ASB11: variants seen among roughly 807,000 people sequenced by gnomAD.
The protein encoded by ASB11 is ankyrin repeat and SOCS box protein 11.
ASB11 carries 17 observed loss-of-function variants against 20.1 expected under a neutral mutation model. The observed-to-expected ratio is 0.85, with a 90% CI of 0.58 to 1.27. The LOEUF (loss-of-function observed/expected upper bound fraction) is 1.27. Ranked by LOEUF, ASB11 falls within the 50% of genes most tolerant of loss-of-function variation. The pLI, the probability that ASB11 is intolerant of heterozygous loss-of-function variation, is 0.00. For synonymous variants in ASB11, 107 were observed against 105.6 expected (o/e 1.01, Z -0.08); for missense variants, 259 against 256.9 (o/e 1.01, Z -0.06).
intron 6 of ASB11, among the ~76,000 whole-genome samples, chrX:15,284,159 G>A (rs902914712): frequency 3.8e-5 from 4 of 106,405 alleles, no homozygotes; most frequent in African/African-American, 1.1e-4. Flanking sequence ...GGCTGAGGCA[G>A]GAGAATGGCG....
chrX:15,308,722 CCTTGTT>C (rs777326093), intron 1 of ASB11, among the ~76,000 whole-genome samples: 5 of 111,673 alleles, frequency 4.5e-5, no homozygotes, highest in Non-Finnish European at 9.4e-5. Flanking sequence ...TTAGAACACA[CCTTGTT>C]CTGGTTTTAA....
chrX:15,291,727 A>T (rs200543900), intron 4 of ASB11, among the ~76,000 whole-genome samples: 10 of 56,849 alleles, frequency 1.8e-4, no homozygotes, highest in Admixed American at 3.8e-4. Context: ...AAAAAAATTT[A>T]AAAAAATTAA....
intron 1 of ASB11, among the ~76,000 whole-genome samples, chrX:15,313,885 A>G (rs1323221579): frequency 9.1e-6 from 1 of 110,220 alleles, no homozygotes; most frequent in Non-Finnish European, 1.9e-5. Context: ...CCCTGTCTCT[A>G]CTAAAAATAC....
chrX:15,296,968 A>G (rs1174288925), intron 3 of ASB11, among the ~76,000 whole-genome samples: 3 of 112,458 alleles, frequency 2.7e-5, no homozygotes. Context: ...AAAGCAACCC[A>G]AGTGTCCACC....
Position 15,289,541 on chromosome X carries a change from G to A in ASB11, c.618C>T (p.Tyr206=), listed in dbSNP as rs147170563. 104 of 1,206,859 alleles carry A rather than the reference G, an allele frequency of 8.6e-5. 1 individual carries two copies. The African/African-American group carries it at 1.4e-3, about 17-fold the overall frequency. The change falls in exon 5 of 7, where the codon TAC becomes TAT. Residue 206 remains tyrosine (Y), a synonymous_variant. Transcript: ENST00000480796. ...GTTTCTTCACACAGTCTACCCTCTG[G>A]TAGGTGCAGGCCACATATAGGGGAG... The part of the protein sequence containing the change: ...LGTPLYVACT[Y]QRVDCVKKLL...
chrX:15,302,545 G>A (rs888531199), intron 2 of ASB11, among the ~76,000 whole-genome samples, 183 bp downstream of exon 2: 1 of 111,038 alleles, frequency 9.0e-6, no homozygotes, highest in East Asian at 2.8e-4. Flanking sequence ...AAATGAAGGA[G>A]CTCTCCAGGA....
rs1248089527 is a variant in ASB11, at chrX:15,302,764, CT to C, written c.224del (p.Gln75ArgfsTer10). On this transcript the variant is annotated frameshift_variant, in exon 2 of 7. Transcript: ENST00000480796. LOFTEE classifies it high-confidence loss of function. The part of the protein sequence containing the change: ...DRSPLHEAAA[Q>X]GRLLALKTLI... ...AAGTTTTAAGGGCCAGTAAGCGCCC[CT>C]GAGCTGCAGCTTCATGAAGTGGGGA... The C allele has an allele frequency of 8.3e-7, 1 of 1,211,115 alleles. No individual in the cohort carries two copies. The highest frequency in any genetic ancestry group is 2.2e-5 in the Admixed American group (1 of 46,012).
chrX:15,289,071 C>T (rs1927464091), intron 5 of ASB11, among the ~76,000 whole-genome samples: 2 of 111,979 alleles, frequency 1.8e-5, no homozygotes, highest in South Asian at 3.7e-4. Flanking sequence ...GTAAACCACC[C>T]TCTTGTTAGT....
At chrX:15,302,432 A>T (rs1240210784) in intron 2 of ASB11, among the ~76,000 whole-genome samples, 2 of 112,226 alleles carry the variant, frequency 1.8e-5, no homozygotes, top group East Asian at 5.6e-4. Context: ...GCATGAGGTG[A>T]GTTAGTGCAA....
chrX:15,293,368 A>C, intron 3 of ASB11, 48 bp from the exon 4 acceptor site: 20 of 1,153,259 alleles, frequency 1.7e-5, no homozygotes, highest in African/African-American at 3.5e-5. Context: ...TTTCATTCTC[A>C]CCATCTCCAA....
At chrX:15,306,409 T>G (rs1921248582) in intron 1 of ASB11, among the ~76,000 whole-genome samples, 1 of 112,070 alleles carries the variant, frequency 8.9e-6, no homozygotes, top group Admixed American at 9.5e-5. Flanking sequence ...AGTAGAATAT[T>G]TTAAACTCTC....
At chrX:15,284,267 A>AAAAGAAAG (rs1243564588) in intron 6 of ASB11, among the ~76,000 whole-genome samples, 6 of 88,846 alleles carry the variant, frequency 6.8e-5, no homozygotes, top group Non-Finnish European at 6.6e-5. Context: ...AAAAAAAAAA[A>AAAAGAAAG]AAAGAAAGAA....
intron 6 of ASB11, among the ~76,000 whole-genome samples, chrX:15,284,250 T>A (rs1251035760): frequency 1.6e-4 from 8 of 51,463 alleles, no homozygotes; most frequent in African/African-American, 1.1e-3. Context: ...AGACTCCGCC[T>A]CAAAAAAAAA....
chrX:15,304,636 T>C (rs1226079795), intron 1 of ASB11, among the ~76,000 whole-genome samples: 1 of 112,113 alleles, frequency 8.9e-6, no homozygotes, highest in Admixed American at 9.4e-5. Context: ...TCCCAGCACT[T>C]TGGGAAGCTG....
At chrX:15,293,513 T>G (rs956831172) in intron 3 of ASB11, among the ~76,000 whole-genome samples, 193 bp from the exon 4 acceptor site, 6 of 112,178 alleles carry the variant, frequency 5.3e-5, no homozygotes, top group African/African-American at 1.9e-4. Flanking sequence ...ATGTAAACAC[T>G]TAAAACATTA....
chrX:15,314,535 T>C (rs1173192603), intron 1 of ASB11: 21 of 1,152,706 alleles, frequency 1.8e-5, no homozygotes, highest in Non-Finnish European at 2.3e-5. Flanking sequence ...AAGACTGCTG[T>C]TGTCTAGTGT....
Position 15,282,442 on chromosome X carries a change from G to T in ASB11, c.*1063C>A, listed in dbSNP as rs1225501400. 9.0e-6 allele frequency: 1 copy of T among 111,197 alleles called. No individual in the cohort carries two copies. The highest frequency in any genetic ancestry group is 1.9e-5 in the Non-Finnish European group (1 of 53,028). 9.2% of individuals were successfully genotyped at this position (111,197 alleles called of 1,213,427 possible). The stretch of plus-strand genomic sequence containing the variant: ...TTTTATATACCTTTGTGCTTATTTT[G>T]GGCCCCTATCCACAGAAAAAAATAT... On this transcript the variant is annotated 3_prime_UTR_variant, in exon 7 of 7. Coordinates refer to ENST00000480796, the MANE Select transcript of ASB11 (RefSeq NM_080873.3).
intron 3 of ASB11, among the ~76,000 whole-genome samples, chrX:15,296,012 C>T (rs1269907522): frequency 8.9e-6 from 1 of 112,243 alleles, no homozygotes; most frequent in Non-Finnish European, 1.9e-5. Flanking sequence ...GAGGCCAAGG[C>T]GGGCGGATCA....
intron 3 of ASB11, among the ~76,000 whole-genome samples, chrX:15,296,948 C>G (rs748146358): frequency 8.9e-6 from 1 of 112,316 alleles, no homozygotes; most frequent in East Asian, 2.8e-4. Flanking sequence ...TTCACAATTG[C>G]AAAGACCTGA....
Sources: allele counts gnomAD v4.1 joint callset (sites outside exome capture counted in the v4.1 genomes callset), GRCh38; gene constraint gnomAD v4.1.1; transcripts MANE v1.5; gene names NCBI Gene and HGNC (gene_info 2026-07-23, HGNC 2026-07-21).